The following SLC6A17 variants were observed in gnomAD, a reference collection of about 807,000 sequenced individuals.
The protein encoded by SLC6A17 is solute carrier family 6 member 17.
A neutral mutation model predicts 64.5 loss-of-function variants in SLC6A17; 21 were observed. The observed-to-expected ratio is 0.33, with a 90% CI of 0.23 to 0.47. SLC6A17 has a LOEUF of 0.47. SLC6A17 is among the 20% of genes least tolerant of loss of function. The pLI is 1.00. For missense variants in SLC6A17, 682 were observed against 963.2 expected (o/e 0.71, Z 3.86); for synonymous variants, 372 against 399.5 (o/e 0.93, Z 0.82).
chr1:110,198,663 C>T lies in SLC6A17; in HGVS notation c.*219C>T. Reference sequence around the variant, plus strand: ...AGCTCTGTTTCCTAATTCAGGACCCCACTCATCTAGCCCTCCAAGAGCCTC... The same window carrying T: ...AGCTCTGTTTCCTAATTCAGGACCCTACTCATCTAGCCCTCCAAGAGCCTC... On this transcript the variant is annotated 3_prime_UTR_variant, in exon 12 of 12. Transcript: ENST00000331565. 1.4e-6 allele frequency: 1 copy of T among 732,554 alleles called. No homozygotes were observed. The allele number at this position is 732,554 out of a possible 1,614,324, so 45.4% of individuals were successfully genotyped here.
intron 3 of SLC6A17, 134 bp from the exon 4 acceptor site, chr1:110,173,839 T>A: frequency 7.5e-7 from 1 of 1,339,526 alleles, no homozygotes. Flanking sequence ...GCCCGCACCC[T>A]ATCCCTCCTT....
At chr1:110,156,714 T>G (rs1655769690) in intron 1 of SLC6A17, among the ~76,000 whole-genome samples, 1 of 152,214 alleles carries the variant, frequency 6.6e-6, no homozygotes, top group South Asian at 2.1e-4. Context: ...TAGGATGCTT[T>G]TCTGCCCAGC....
At position 110,172,140 on chromosome 1, in the gene SLC6A17, A is replaced by G; in HGVS notation, c.367A>G (p.Arg123Gly). 4 of 1,613,914 alleles carry G rather than the reference A, an allele frequency of 2.5e-6. No individual in the cohort carries two copies. Among genetic ancestry groups the G allele is most frequent in the Non-Finnish European group, 3.4e-6 (4 of 1,179,934 alleles). The change falls in exon 3 of 12, where the codon AGG becomes GGG. Residue 123 changes from arginine (R) to glycine (G), a missense_variant. Physicochemically the swap from Arg to Gly is moderately radical, Grantham distance 125 (BLOSUM62 -2). Around this residue, in one of 3 missense-constraint regions of SLC6A17, gnomAD observed 415 missense variants for 603.8 expected, o/e 0.69. Coordinates refer to ENST00000331565, the MANE Select transcript of SLC6A17 (RefSeq NM_001010898.4). ...CTTCCTGGAGCTGGCTGTGGGTCAG[A>G]GGATCCGCCGCGGCAGCATCGGTGT... Reference protein sequence around the residue: ...LFFLELAVGQRIRRGSIGVWH... With the variant: ...LFFLELAVGQGIRRGSIGVWH...
At position 110,198,126 on chromosome 1, in the gene SLC6A17, C is replaced by A; in HGVS notation, c.1866C>A (p.Ile622=). 1.9e-6 allele frequency: 3 copies of A among 1,614,082 alleles called. No homozygotes were observed. Among genetic ancestry groups the A allele is most frequent in the Non-Finnish European group, 2.5e-6 (3 of 1,180,008 alleles). ...YFPNWAMALL[I]TLIVVATLPI... ...CCAACTGGGCCATGGCACTCCTGAT[C>A]ACCCTCATCGTCGTGGCGACGCTGC... Residue 622 remains isoleucine, a synonymous_variant, in exon 12 of 12, where the codon ATC becomes ATA. Coordinates refer to ENST00000331565, the MANE Select transcript of SLC6A17 (RefSeq NM_001010898.4).
At chr1:110,169,200 G>T (rs1177809342) in intron 2 of SLC6A17, among the ~76,000 whole-genome samples, 1 of 152,106 alleles carries the variant, frequency 6.6e-6, no homozygotes, top group Non-Finnish European at 1.5e-5. Context: ...AGAAACTCTG[G>T]AACACTCTCC....
chr1:110,175,565 G>A (rs1439251893), intron 5 of SLC6A17, among the ~76,000 whole-genome samples: 2 of 152,158 alleles, frequency 1.3e-5, no homozygotes, highest in Non-Finnish European at 2.9e-5. Context: ...AGAAGGATTG[G>A]ATTAGAGATC....
At chr1:110,172,347 A>G (rs1261804337) in intron 3 of SLC6A17, 130 bp downstream of exon 3, 97 of 1,195,744 alleles carry the variant, frequency 8.1e-5, no homozygotes, top group Non-Finnish European at 1.1e-4. Flanking sequence ...GATCCTCAAC[A>G]TGGGAATTAC....
At chr1:110,187,204 CAGGCAGAACAATTCGCTA>C (rs1656708513) in intron 6 of SLC6A17, among the ~76,000 whole-genome samples, 1 of 79,566 alleles carries the variant, frequency 1.3e-5, no homozygotes, top group African/African-American at 2.9e-5. Context: ...ATTCGCTAAT[CAGGCAGAACAATTCGCTA>C]ATCAGGCAGA....
At chr1:110,160,524 A>G (rs1481551422) in intron 1 of SLC6A17, among the ~76,000 whole-genome samples, 1 of 152,278 alleles carries the variant, frequency 6.6e-6, no homozygotes, top group Non-Finnish European at 1.5e-5. Flanking sequence ...CTCCTGCCTC[A>G]AGGAGATTGC....
intron 2 of SLC6A17, among the ~76,000 whole-genome samples, chr1:110,170,300 T>C (rs547529459): frequency 2.6e-5 from 4 of 152,100 alleles, no homozygotes; most frequent in South Asian, 2.1e-4. Context: ...CTGGCTAACA[T>C]GGTGAAACCC....
intron 3 of SLC6A17, 64 bp from the exon 4 acceptor site, chr1:110,173,909 G>A: frequency 3.7e-5 from 58 of 1,551,038 alleles, no homozygotes; most frequent in Admixed American, 2.6e-4. Context: ...GGCCTCGGGT[G>A]GAGCGTGGGG....
intron 1 of SLC6A17, among the ~76,000 whole-genome samples, chr1:110,153,374 C>T (rs949366456): frequency 6.6e-6 from 1 of 152,112 alleles, no homozygotes; most frequent in Non-Finnish European, 1.5e-5. Context: ...GGACCCTGGG[C>T]CCCTAGTTTT....
chr1:110,168,833 C>T (rs978825090), intron 2 of SLC6A17, among the ~76,000 whole-genome samples: 1 of 152,192 alleles, frequency 6.6e-6, no homozygotes, highest in Non-Finnish European at 1.5e-5. Flanking sequence ...AGTGTTCTTG[C>T]CACAGTCTGA....
chr1:110,173,539 C>T lies in SLC6A17; in HGVS notation c.445-434C>T, dbSNP rs1464653591. Among the ~76,000 whole-genome samples the T allele has an allele frequency of 2.6e-5, 4 of 152,330 alleles. No homozygotes were observed. In the East Asian group the frequency reaches 7.7e-4, roughly 29 times the overall value. On this transcript the variant is annotated intron_variant, in intron 3 of 11. Coordinates refer to ENST00000331565, the MANE Select transcript of SLC6A17 (RefSeq NM_001010898.4). ...GAGTGGAATCCACAAGAAACACCCA[C>T]AAAGTCTCTAAAAGCACAGCAGTCT...
At chr1:110,179,148 A>G (rs1362944533) in intron 6 of SLC6A17, among the ~76,000 whole-genome samples, 2 of 152,254 alleles carry the variant, frequency 1.3e-5, no homozygotes, top group African/African-American at 4.8e-5. Flanking sequence ...ATTTCGCTGT[A>G]GGACTAAACT....
intron 1 of SLC6A17, among the ~76,000 whole-genome samples, chr1:110,157,200 C>T (rs1655781660): frequency 6.6e-6 from 1 of 152,196 alleles, no homozygotes; most frequent in Admixed American, 6.5e-5. Flanking sequence ...ATCCAACAGC[C>T]TGATCCATAT....
At chr1:110,155,820 A>T (rs1655743116) in intron 1 of SLC6A17, among the ~76,000 whole-genome samples, 1 of 152,102 alleles carries the variant, frequency 6.6e-6, no homozygotes, top group Admixed American at 6.5e-5. Context: ...CACACCCCAA[A>T]ATTCTGCCAG....
chr1:110,158,642 A>G (rs534762621), intron 1 of SLC6A17, among the ~76,000 whole-genome samples: 1 of 152,284 alleles, frequency 6.6e-6, no homozygotes, highest in East Asian at 1.9e-4. Context: ...AGAAGGTAAA[A>G]CCAAGAGGGG....
chr1:110,187,467 TAC>T (rs1313423865), intron 6 of SLC6A17, among the ~76,000 whole-genome samples: 9 of 152,272 alleles, frequency 5.9e-5, no homozygotes, highest in Non-Finnish European at 8.8e-5. Flanking sequence ...AAGGGTAGGC[TAC>T]AGTCTGTTTA....
Sources: gnomAD v4.1 joint callset for allele counts (sites outside exome capture counted in the v4.1 genomes callset) on GRCh38, gnomAD v4.1.1 for gene constraint, gnomAD v4.1.1 regional missense constraint, MANE v1.5 for transcripts, NCBI Gene and HGNC (gene_info 2026-07-23, HGNC 2026-07-21) for gene names.